Variants in SCUBE1 observed in about 807,000 individuals in gnomAD.
The protein encoded by SCUBE1 is signal peptide, CUB domain and EGF like domain containing 1.
A neutral mutation model predicts 124.4 loss-of-function variants in SCUBE1; 59 were observed. The ratio of observed to expected loss-of-function variants is 0.47; its 90% CI spans 0.38 to 0.59. The LOEUF is 0.59. Among genes scored for constraint, SCUBE1 ranks in the 20% least tolerant of loss-of-function variants. The pLI is 0.00. For synonymous variants in SCUBE1, 545 were observed against 550.9 expected, an observed-to-expected ratio of 0.99 and a Z score of 0.15; for missense variants, 1,150 against 1,371.2, an observed-to-expected ratio of 0.84 and a Z score of 2.55.
chr22:43,296,060 G>C (rs1451489809), intron 3 of SCUBE1, among the ~76,000 whole-genome samples: 1 of 152,212 alleles, frequency 6.6e-6, no homozygotes, highest in Non-Finnish European at 1.5e-5. Context: ...ACCAGGGAAA[G>C]GTGGCTGACA....
chr22:43,303,210 G>A (rs1031812419), intron 3 of SCUBE1, among the ~76,000 whole-genome samples: 7 of 152,234 alleles, frequency 4.6e-5, no homozygotes, highest in Admixed American at 6.5e-5. Context: ...GCGGCTGTGC[G>A]GCTGTTCCTT....
intron 11 of SCUBE1, 49 bp from the exon 12 acceptor site, chr22:43,222,791 C>T (rs371513732): frequency 4.0e-5 from 56 of 1,409,152 alleles, no homozygotes; most frequent in Non-Finnish European, 5.0e-5. Flanking sequence ...CTCCCTCCCA[C>T]GGCCCTCAGA....
intron 4 of SCUBE1, among the ~76,000 whole-genome samples, chr22:43,267,032 C>G (rs1030698053): frequency 6.6e-6 from 1 of 152,174 alleles, no homozygotes; most frequent in Non-Finnish European, 1.5e-5. Flanking sequence ...GAAGCTGAAA[C>G]GAGGTGACAA....
At chr22:43,292,068 A>T (rs1464034956) in intron 3 of SCUBE1, among the ~76,000 whole-genome samples, 2 of 152,110 alleles carry the variant, frequency 1.3e-5, no homozygotes, top group African/African-American at 4.8e-5. Context: ...CAACCCCACG[A>T]GCCCCGTCTC....
At chr22:43,256,627 G>A (rs1923670231) in intron 6 of SCUBE1, among the ~76,000 whole-genome samples, 1 of 152,354 alleles carries the variant, frequency 6.6e-6, no homozygotes, top group Admixed American at 6.5e-5. Context: ...AAATAAAAAA[G>A]CAAGAAAGGA....
At position 43,277,028 on chromosome 22, in the gene SCUBE1, G is replaced by A. The variant is rs79223781; in HGVS notation, c.484+14018C>T. Among the ~76,000 whole-genome samples the A allele has an allele frequency of 7.0e-3, 1,073 of 152,270 alleles. 10 individuals carry two copies. Among genetic ancestry groups the A allele is most frequent in the Non-Finnish European group, 0.012 (833 of 68,022 alleles). On this transcript the variant is annotated intron_variant, in intron 4 of 21. Transcript: ENST00000360835. ...ATCCTCACTTGGGGGAGAAAGGCCC[G>A]GGAGCAGAGACATGAGAGACAGGGC...
At chr22:43,261,587 G>A (rs572673218) in intron 5 of SCUBE1, among the ~76,000 whole-genome samples, 9 of 152,200 alleles carry the variant, frequency 5.9e-5, no homozygotes, top group Non-Finnish European at 1.3e-4. Context: ...GGACCAACAA[G>A]GGCCAGCTGT....
At chr22:43,325,126 G>A (rs73886600) in intron 2 of SCUBE1, among the ~76,000 whole-genome samples, 3 of 151,802 alleles carry the variant, frequency 2.0e-5, no homozygotes, top group Non-Finnish European at 1.5e-5. Flanking sequence ...TGTGAGGCCA[G>A]GGTAAGAGCT....
intron 9 of SCUBE1, among the ~76,000 whole-genome samples, chr22:43,228,842 T>G (rs986098613): frequency 6.6e-6 from 1 of 152,268 alleles, no homozygotes; most frequent in Non-Finnish European, 1.5e-5. Flanking sequence ...GGCCTGGCAC[T>G]GGCAGAGACC....
intron 7 of SCUBE1, among the ~76,000 whole-genome samples, chr22:43,236,966 G>A (rs1199715812): frequency 2.0e-5 from 3 of 152,208 alleles, no homozygotes; most frequent in Non-Finnish European, 4.4e-5. Context: ...TTGGCCAGTG[G>A]GAGCCAGGGC....
chr22:43,306,870 C>G (rs1297688191), intron 3 of SCUBE1, among the ~76,000 whole-genome samples: 2 of 152,198 alleles, frequency 1.3e-5, no homozygotes, highest in Non-Finnish European at 2.9e-5. Context: ...GAGAAGTGGA[C>G]TGGGGAGTCA....
At chr22:43,336,255 C>A (rs1927076565) in intron 2 of SCUBE1, among the ~76,000 whole-genome samples, 1 of 152,138 alleles carries the variant, frequency 6.6e-6, no homozygotes, top group African/African-American at 2.4e-5. Context: ...GGTTGCAACC[C>A]AGGCTCCCCT....
chr22:43,314,447 G>A (rs995931097), intron 3 of SCUBE1, among the ~76,000 whole-genome samples: 1 of 152,052 alleles, frequency 6.6e-6, no homozygotes, highest in Non-Finnish European at 1.5e-5. Flanking sequence ...CACTTTGGGG[G>A]TCCCTGTTCT....
At chr22:43,270,366 T>G (rs1283306592) in intron 4 of SCUBE1, 1 of 152,246 alleles carries the variant, frequency 6.6e-6, no homozygotes, top group Non-Finnish European at 1.5e-5. Flanking sequence ...CTGTGTTACG[T>G]CCACTTAACA....
intron 3 of SCUBE1, among the ~76,000 whole-genome samples, chr22:43,299,638 T>C (rs1925693333): frequency 6.6e-6 from 1 of 152,214 alleles, no homozygotes; most frequent in South Asian, 2.1e-4. Context: ...CTGGTTGAGA[T>C]AGAACTCATG....
At chr22:43,275,077 G>A (rs745680443) in intron 4 of SCUBE1, among the ~76,000 whole-genome samples, 9 of 152,228 alleles carry the variant, frequency 5.9e-5, no homozygotes, top group Non-Finnish European at 1.0e-4. Context: ...GGAGTCAGGC[G>A]CTCTGTGATG....
rs138979 is a variant in SCUBE1 at position 43,200,239 on chromosome 22, C to A, written c.*3758G>T. The stretch of plus-strand genomic sequence containing the variant: ...GGCAGTGCAGGGACTCCCAGCAGCC[C>A]GCTTGCTTCTTGGCTCCTCTCCCTG... On this transcript the variant is annotated 3_prime_UTR_variant, in exon 22 of 22. Transcript: ENST00000360835. The A allele has an allele frequency of 3.3e-5, 5 of 152,194 alleles. No homozygotes were observed. Among genetic ancestry groups the A allele is most frequent in the Non-Finnish European group, 7.3e-5 (5 of 68,080 alleles). 9.4% of individuals were successfully genotyped at this position (152,194 alleles called of 1,614,324 possible). A position where few individuals can be genotyped will look rare whatever the true frequency, so the allele number is the denominator to read the frequency against.
In SCUBE1 at chr22:43,320,774, GA is replaced by G. The variant is rs1011255207; in HGVS notation, c.221-710del. 2.2e-4 allele frequency among the ~76,000 whole-genome samples: 33 copies of G among 152,322 alleles called. 1 individual carries two copies. Among genetic ancestry groups the G allele is most frequent in the African/African-American group, 7.7e-4 (32 of 41,574 alleles). On this transcript the variant is annotated intron_variant, in intron 2 of 21. Transcript: ENST00000360835. ...CTTCCAATTTTGCAAGAGCACTGAA[GA>G]AACCAAGGCACAGTGAGGCTAAAAC...
At chr22:43,205,311 C>T (rs573776623) in intron 21 of SCUBE1, among the ~76,000 whole-genome samples, 9 of 152,190 alleles carry the variant, frequency 5.9e-5, no homozygotes, top group South Asian at 2.1e-4. Flanking sequence ...ATGCAGTCCC[C>T]GCCCTCTCTG....
Sources: allele counts gnomAD v4.1 joint callset (sites outside exome capture counted in the v4.1 genomes callset), GRCh38; gene constraint gnomAD v4.1.1; transcripts MANE v1.5; gene names NCBI Gene and HGNC (gene_info 2026-07-23, HGNC 2026-07-21).